TEP1: variants seen among roughly 807,000 people sequenced by gnomAD.
TEP1 encodes telomerase associated protein 1.
TEP1 carries 241 observed loss-of-function variants against 306.3 expected under a neutral mutation model. The observed-to-expected ratio is 0.79, with a 90% CI of 0.71 to 0.88. The LOEUF (loss-of-function observed/expected upper bound fraction) is 0.88, where lower values mean the gene tolerates loss of function less well. TEP1 is among the 40% of genes least tolerant of loss of function. The probability of loss-of-function intolerance (pLI) is 0.00; values close to 1 mark genes in which losing one functional copy is unlikely to be tolerated. For missense variants in TEP1, 3,051 were observed against 3,276.1 expected (o/e 0.93, Z 1.68); for synonymous variants, 1,289 against 1,305.5 (o/e 0.99, Z 0.27).
chr14:20,405,007 A>G (rs1405072810), intron 4 of TEP1, among the ~76,000 whole-genome samples: 1 of 152,208 alleles, frequency 6.6e-6, no homozygotes, highest in African/African-American at 2.4e-5. Flanking sequence ...TTGCAAGTCA[A>G]CCAGGCCTTT....
At chr14:20,398,320 G>A (rs1878378820) in intron 9 of TEP1, among the ~76,000 whole-genome samples, 1 of 150,346 alleles carries the variant, frequency 6.7e-6, no homozygotes, top group South Asian at 2.1e-4. Context: ...GGAGGTTGAA[G>A]TGAGCCGAGG....
At chr14:20,376,573 CAA>C (rs2139024383) in intron 41 of TEP1, among the ~76,000 whole-genome samples, 1 of 152,376 alleles carries the variant, frequency 6.6e-6, no homozygotes, top group Non-Finnish European at 1.5e-5. Flanking sequence ...CTCCTCTTCT[CAA>C]GTGTCCAGTG....
chr14:20,403,974 GCA>G, intron 5 of TEP1, 90 bp from the exon 6 acceptor site: 1 of 1,541,250 alleles, frequency 6.5e-7, no homozygotes, highest in Non-Finnish European at 8.8e-7. Context: ...ATACACGAGA[GCA>G]CAGAGTAGCG....
At chr14:20,382,785 A>C (rs1195873949) in intron 27 of TEP1, 70 bp from the exon 28 acceptor site, 2 of 1,446,646 alleles carry the variant, frequency 1.4e-6, no homozygotes, top group East Asian at 2.3e-5. Flanking sequence ...CCCCAGCACC[A>C]GCCCCTCTGC....
chr14:20,410,799 GTGGTTTTTTTTT>G (rs139483027), intron 1 of TEP1, among the ~76,000 whole-genome samples: 63,814 of 115,044 alleles, frequency 0.55, 14,914 homozygotes, highest in South Asian at 0.64. Context: ...TTTCTCCTTT[GTGGTTTTTTTTT>G]TTTTTTTTTT....
At position 20,371,152 on chromosome 14, in the gene TEP1, C is replaced by T. The variant is rs1009880737; in HGVS notation, c.7317+66G>A. 7.1e-6 allele frequency: 10 copies of T among 1,408,910 alleles called. No individual in the cohort carries two copies. In the African/African-American group the frequency reaches 8.5e-5, roughly 12 times the overall value. 87.3% of individuals were successfully genotyped at this position (1,408,910 alleles called of 1,614,324 possible). A position where few individuals can be genotyped will look rare whatever the true frequency, so the allele number is the denominator to read the frequency against. On this transcript the variant is annotated intron_variant, in intron 51 of 54. Transcript: ENST00000262715. ...CCCTTCCCTATCCTCCATGACGGGC[C>T]CCAAGGTGTAAAAACACTGGTCCTA...
In TEP1 at chr14:20,376,206, T is replaced by G; in HGVS notation, c.6147A>C (p.Glu2049Asp). The G allele has an allele frequency of 1.2e-6, 2 of 1,614,156 alleles. No individual in the cohort carries two copies. The highest frequency in any genetic ancestry group is 1.7e-6 in the Non-Finnish European group (2 of 1,180,014). ...RQLLTRPHKA[E>D]DFPCGTELRG... ...GCAGCTCAGTGCCACAGGGAAAGTC[T>G]TCTGCCTTGTGTGGCCGCGTCAGCA... is the stretch of plus-strand genomic sequence containing the variant. Residue 2049 changes from glutamate (E) to aspartate (D), a missense_variant, in exon 42 of 55, where the codon GAA becomes GAC. Physicochemically the swap from Glu to Asp is conservative, Grantham distance 45. This residue lies in a region of TEP1 where 1,540 missense variants were observed against 1,705.9 expected (regional missense o/e 0.90). Coordinates refer to ENST00000262715, the MANE Select transcript of TEP1 (RefSeq NM_007110.5).
At chr14:20,408,647 A>G (rs1458304019) in intron 1 of TEP1, among the ~76,000 whole-genome samples, 184 bp from the exon 2 acceptor site, 1 of 152,038 alleles carries the variant, frequency 6.6e-6, no homozygotes, top group African/African-American at 2.4e-5. Flanking sequence ...GATAGGGAAA[A>G]GGTAAGGCAG....
At position 20,377,617 on chromosome 14, in the gene TEP1, A is replaced by G; in HGVS notation, c.5858T>C (p.Ile1953Thr). ...AVGYRADGIR[I>T]YKISSGSQGA... is the part of the protein sequence containing the mutation. ...TTCAGTACCTGAAGAGATTTTGTAG[A>G]TCCTAATGCCATCCGCTCGATATCC... is the stretch of plus-strand genomic sequence containing the variant. Residue 1953 changes from isoleucine to threonine, a missense_variant, in exon 40 of 55, where the codon ATC becomes ACC. This residue lies in a region of TEP1 where 1,540 missense variants were observed against 1,705.9 expected (regional missense o/e 0.90). Coordinates refer to ENST00000262715, the MANE Select transcript of TEP1 (RefSeq NM_007110.5). 1 of 1,614,082 alleles carries G rather than the reference A, an allele frequency of 6.2e-7. No homozygotes were observed.
chr14:20,376,132 CCTCCATCAGTGCTGAAA>C lies in TEP1; in HGVS notation c.6204_6220del (p.Ser2068ArgfsTer35), dbSNP rs1885162094. ...ATCCCGGCCCCCGGTGGCCAGGCTGCCTCCATCAGTGCTGAAACTACAGCAGCTCACAGGGCCCTCAT... is the reference window on the plus strand; with the variant it reads ...ATCCCGGCCCCCGGTGGCCAGGCTGCCTACAGCAGCTCACAGGGCCCTCAT... On this transcript the variant is annotated frameshift_variant, in exon 42 of 55. Transcript: ENST00000262715. LOFTEE classifies it high-confidence loss of function. 6.2e-7 allele frequency: 1 copy of C among 1,614,058 alleles called. No homozygotes were observed. Among genetic ancestry groups the C allele is most frequent in the Admixed American group, 1.7e-5 (1 of 59,994 alleles).
chr14:20,377,932 T>A (rs1885290709), intron 39 of TEP1, 92 bp downstream of exon 39: 6 of 1,521,708 alleles, frequency 3.9e-6, no homozygotes, highest in Non-Finnish European at 5.4e-6. Context: ...TCCTCCACAG[T>A]CTCCTCGACA....
At chr14:20,388,718 T>C (rs1232062231) in intron 17 of TEP1, among the ~76,000 whole-genome samples, 1 of 152,074 alleles carries the variant, frequency 6.6e-6, no homozygotes, top group Non-Finnish European at 1.5e-5. Flanking sequence ...CAGGCAGACA[T>C]ATTGAATTAT....
At chr14:20,406,425 A>G (rs776522963) in intron 2 of TEP1, 25 bp from the exon 3 acceptor site, 10 of 1,612,048 alleles carry the variant, frequency 6.2e-6, no homozygotes, top group Non-Finnish European at 8.5e-6. Context: ...GCAGTTATGA[A>G]TCACAGCAGG....
chr14:20,398,246 T>C (rs77084946), intron 9 of TEP1, among the ~76,000 whole-genome samples: 35,187 of 151,196 alleles, frequency 0.23, 5,299 homozygotes, highest in African/African-American at 0.41. Context: ...GGCGTGGTGG[T>C]GGTCGCCTGT....
chr14:20,398,756 C>T (rs1312305684), intron 9 of TEP1, among the ~76,000 whole-genome samples: 1 of 152,250 alleles, frequency 6.6e-6, no homozygotes, highest in African/African-American at 2.4e-5. Context: ...CCGGTCAGTC[C>T]GTCACCATGC....
At chr14:20,412,595 G>GGATCATAAGTT (rs200828508) in intron 1 of TEP1, among the ~76,000 whole-genome samples, 1,840 of 151,940 alleles carry the variant, frequency 0.012, 41 homozygotes, top group African/African-American at 0.041. Flanking sequence ...TACACAAACA[G>GGATCATAAGTT]GATCATAAGT....
rs188816293 is a variant in TEP1 at position 20,368,481 on chromosome 14, C to T, written c.7840G>A (p.Val2614Met). The part of the protein sequence containing the change: ...LGANSTLQLA[V>M]GDVQGNVYFL... Reference sequence around the variant, plus strand: ...TACACATTGCCCTGCACGTCTCCCACGGCAAGCTGCAGGGTGGAGTTAGCG... The same window carrying T: ...TACACATTGCCCTGCACGTCTCCCATGGCAAGCTGCAGGGTGGAGTTAGCG... The change falls in exon 55 of 55, where the codon GTG becomes ATG. Residue 2614 changes from valine to methionine, a missense_variant. Val to Met is a conservative substitution (Grantham distance 21). Around this residue, in one of 3 missense-constraint regions of TEP1, gnomAD observed 1,540 missense variants for 1,705.9 expected, o/e 0.90. Coordinates refer to ENST00000262715, the MANE Select transcript of TEP1 (RefSeq NM_007110.5). 2.0e-5 allele frequency: 33 copies of T among 1,614,172 alleles called. No individual in the cohort carries two copies. The highest frequency in any genetic ancestry group is 1.1e-4 in the African/African-American group (8 of 75,056).
intron 21 of TEP1, 82 bp downstream of exon 21, chr14:20,384,903 A>G: frequency 6.3e-7 from 1 of 1,595,570 alleles, no homozygotes; most frequent in Non-Finnish European, 8.6e-7. Context: ...CTCCCCTTCT[A>G]TACTCTGAAT....
At chr14:20,395,339 A>G in intron 12 of TEP1, 111 bp downstream of exon 12, 2 of 1,137,836 alleles carry the variant, frequency 1.8e-6, no homozygotes, top group Non-Finnish European at 1.2e-6. Flanking sequence ...CACTGCGATG[A>G]CTGACAAGCA....
Sources: gnomAD v4.1 joint callset for allele counts (sites outside exome capture counted in the v4.1 genomes callset) on GRCh38, gnomAD v4.1.1 for gene constraint, gnomAD v4.1.1 regional missense constraint, MANE v1.5 for transcripts, NCBI Gene and HGNC (gene_info 2026-07-23, HGNC 2026-07-21) for gene names.